Variants in CMSS1 observed in about 807,000 individuals in gnomAD.
CMSS1 encodes cms1 ribosomal small subunit homolog, also known as protein CMSS1.
In CMSS1, 33 loss-of-function variants were observed where a neutral mutation model predicts 43.5. That is an observed-to-expected ratio of 0.76 (90% CI 0.57 to 1.01). CMSS1 has a LOEUF of 1.01. CMSS1 is among the 50% of genes least tolerant of loss of function. The pLI is 0.00. For synonymous variants in CMSS1, 115 were observed against 117.2 expected (o/e 0.98, Z 0.12); for missense variants, 313 against 326.4 (o/e 0.96, Z 0.32).
At position 100,013,791 on chromosome 3, in the gene CMSS1, A is replaced by T. The variant is rs139206552; in HGVS notation, c.65-133182A>T. Among the ~76,000 whole-genome samples the T allele has an allele frequency of 7.3e-3, 1,105 of 152,322 alleles. 19 individuals carry two copies. Among genetic ancestry groups the T allele is most frequent in the African/African-American group, 0.024 (1,018 of 41,580 alleles). ...AAATGATTAAATCCAGCTAATCAAC[A>T]TATTCATCATCTCACATATTTTGTG... On this transcript the variant is annotated intron_variant, in intron 1 of 9. Transcript: ENST00000421999.
At chr3:100,079,816 TA>T (rs551720958) in intron 1 of CMSS1, among the ~76,000 whole-genome samples, 72 of 147,150 alleles carry the variant, frequency 4.9e-4, no homozygotes, top group South Asian at 1.1e-3. Flanking sequence ...CATGATAACC[TA>T]AAAAAAAAAA....
chr3:100,003,866 C>T (rs1320459978), intron 1 of CMSS1, among the ~76,000 whole-genome samples: 1 of 152,150 alleles, frequency 6.6e-6, no homozygotes, highest in Non-Finnish European at 1.5e-5. Flanking sequence ...AGTTCAACTA[C>T]ACCTGCTCAG....
intron 1 of CMSS1, among the ~76,000 whole-genome samples, chr3:100,092,864 A>G (rs1015592086): frequency 6.6e-6 from 1 of 151,508 alleles, no homozygotes; most frequent in Non-Finnish European, 1.5e-5. Flanking sequence ...CACAAGACAA[A>G]CTCATTCCAG....
At position 100,144,101 on chromosome 3, in the gene CMSS1, C is replaced by T. The variant is rs187224786; in HGVS notation, c.65-2872C>T. On this transcript the variant is annotated intron_variant, in intron 1 of 9. Coordinates refer to ENST00000421999, the MANE Select transcript of CMSS1 (RefSeq NM_032359.4). ...TGTTGGGGGTTTAAATCTGTGTATACGTTTTTTTCTTTTGTTTGATCACTA... is the reference window on the plus strand; with the variant it reads ...TGTTGGGGGTTTAAATCTGTGTATATGTTTTTTTCTTTTGTTTGATCACTA... Among the ~76,000 whole-genome samples the T allele has an allele frequency of 6.6e-5, 10 of 152,164 alleles. No homozygotes were observed. The East Asian group carries it at 7.7e-4, about 12-fold the overall frequency.
intron 1 of CMSS1, among the ~76,000 whole-genome samples, chr3:100,044,882 G>A (rs1471708333): frequency 6.6e-6 from 1 of 152,170 alleles, no homozygotes; most frequent in East Asian, 1.9e-4. Flanking sequence ...CAGGACTAGT[G>A]GCTCTCTGCT....
intron 1 of CMSS1, among the ~76,000 whole-genome samples, chr3:99,884,379 A>G (rs1470256538): frequency 6.6e-6 from 1 of 152,186 alleles, no homozygotes; most frequent in Non-Finnish European, 1.5e-5. Context: ...AACTATTTTC[A>G]TGTATTGCTG....
intron 1 of CMSS1, among the ~76,000 whole-genome samples, chr3:100,007,734 G>T (rs1467577321): frequency 5.3e-5 from 8 of 152,028 alleles, no homozygotes. Context: ...GGGCCTTGTT[G>T]CTTTGACTGC....
rs377559634 is a variant in CMSS1 at position 99,936,998 on chromosome 3, C to T, written c.64+118955C>T. On this transcript the variant is annotated intron_variant, in intron 1 of 9. Transcript: ENST00000421999. ...TGTTACTCAGGCTGGAGTGCAGTGG[C>T]GTGATCTCGGGTCACTGCAACCTCT... 9.2e-5 allele frequency among the ~76,000 whole-genome samples: 14 copies of T among 152,136 alleles called. 1 individual carries two copies. The highest frequency in any genetic ancestry group is 5.8e-4 in the East Asian group (3 of 5,164).
chr3:99,897,521 T>G (rs781281494), intron 1 of CMSS1, among the ~76,000 whole-genome samples: 1 of 152,210 alleles, frequency 6.6e-6, no homozygotes, highest in Non-Finnish European at 1.5e-5. Flanking sequence ...TTTTCTTTAC[T>G]AGTTATTTTT....
chr3:99,848,224 T>C (rs2107520544), intron 1 of CMSS1: 1 of 1,580,718 alleles, frequency 6.3e-7, no homozygotes, highest in Admixed American at 1.7e-5. Context: ...TAAAAAAGGA[T>C]TGAGTTCCTT....
intron 1 of CMSS1, among the ~76,000 whole-genome samples, chr3:100,097,052 G>A (rs1448618395): frequency 2.0e-5 from 3 of 152,186 alleles, no homozygotes; most frequent in Admixed American, 1.3e-4. Flanking sequence ...CAGGAGGTGA[G>A]CAGCAGGCAA....
At chr3:100,099,377 G>A (rs537228029) in intron 1 of CMSS1, among the ~76,000 whole-genome samples, 1 of 152,256 alleles carries the variant, frequency 6.6e-6, no homozygotes, top group East Asian at 1.9e-4. Context: ...AAACGAGTAA[G>A]CTATCACTTT....
In CMSS1 at chr3:99,967,513, A is replaced by G. The variant is rs143686902; in HGVS notation, c.64+149470A>G. On this transcript the variant is annotated intron_variant, in intron 1 of 9. Coordinates refer to ENST00000421999, the MANE Select transcript of CMSS1 (RefSeq NM_032359.4). ...GTCAACTGAATTTTTTGTTCCACTA[A>G]GAGTCCCCTCCTGGCTCCTTGTTTT... Among the ~76,000 whole-genome samples the G allele has an allele frequency of 3.7e-4, 57 of 152,296 alleles. No homozygotes were observed. In the East Asian group the frequency reaches 8.7e-3, roughly 23 times the overall value.
chr3:99,920,245 C>CA (rs1289941636), intron 1 of CMSS1, among the ~76,000 whole-genome samples: 1 of 150,844 alleles, frequency 6.6e-6, no homozygotes, highest in Non-Finnish European at 1.5e-5. Context: ...TGCATGGTTT[C>CA]AAAAAAAAGC....
intron 1 of CMSS1, among the ~76,000 whole-genome samples, chr3:100,125,449 G>A (rs9811920): frequency 0.43 from 64,831 of 151,970 alleles, 14,068 homozygotes; most frequent in African/African-American, 0.49. Flanking sequence ...CCTTCCATCT[G>A]TCCCAAGCCC....
At chr3:100,023,866 T>C (rs1371174539) in intron 1 of CMSS1, among the ~76,000 whole-genome samples, 3 of 152,168 alleles carry the variant, frequency 2.0e-5, no homozygotes, top group Non-Finnish European at 4.4e-5. Context: ...ACATATAGTA[T>C]TACTCATCAA....
At chr3:100,108,430 CT>C (rs1382264750) in intron 1 of CMSS1, among the ~76,000 whole-genome samples, 1 of 152,106 alleles carries the variant, frequency 6.6e-6, no homozygotes, top group Non-Finnish European at 1.5e-5. Flanking sequence ...CATTTTATGG[CT>C]GAGGAAACAT....
rs1350339274 is a variant in CMSS1, at chr3:100,178,676, G to A, written c.*288G>A. 2 of 262,828 alleles carry A rather than the reference G, an allele frequency of 7.6e-6. No homozygotes were observed. The highest frequency in any genetic ancestry group is 1.5e-5 in the Non-Finnish European group (2 of 136,572). 16.3% of individuals were successfully genotyped at this position (262,828 alleles called of 1,614,324 possible). A position where few individuals can be genotyped will look rare whatever the true frequency, so the allele number is the denominator to read the frequency against. ...GTAACTGTGCAGGAGAAAGGAAAGA[G>A]CAGCTGGGTGACCTTAGGCAAGCGT... is the stretch of plus-strand genomic sequence containing the variant. On this transcript the variant is annotated 3_prime_UTR_variant, in exon 10 of 10. Transcript: ENST00000421999.
intron 1 of CMSS1, among the ~76,000 whole-genome samples, chr3:99,879,175 T>C (rs1339183696): frequency 2.6e-5 from 4 of 152,230 alleles, no homozygotes; most frequent in Admixed American, 6.5e-5. Flanking sequence ...TAAACTGTTA[T>C]TTAGAAATGA....
Sources: allele counts gnomAD v4.1 joint callset (sites outside exome capture counted in the v4.1 genomes callset), GRCh38; gene constraint gnomAD v4.1.1; transcripts MANE v1.5; gene names NCBI Gene and HGNC (gene_info 2026-07-23, HGNC 2026-07-21).